Variants in LYPLAL1 observed in about 807,000 individuals in gnomAD.
The protein encoded by LYPLAL1 is lysophospholipase like 1, also known as lysophospholipase-like protein 1.
LYPLAL1 carries 23 observed loss-of-function variants against 19.7 expected under a neutral mutation model. The observed-to-expected ratio is 1.17, with a 90% CI of 0.84 to 1.65. LYPLAL1 has a LOEUF of 1.65. Among genes scored for constraint, LYPLAL1 ranks in the 40% most tolerant of loss-of-function variants. The probability of loss-of-function intolerance (pLI) is 0.00; values close to 1 mark genes in which losing one functional copy is unlikely to be tolerated. For synonymous variants in LYPLAL1, 119 were observed against 96.3 expected (o/e 1.24, Z -1.38); for missense variants, 355 against 279.4 (o/e 1.27, Z -1.93).
At chr1:219,210,753 A>C in intron 4 of LYPLAL1, 106 bp downstream of exon 4, 2 of 1,028,750 alleles carry the variant, frequency 1.9e-6, no homozygotes, top group Non-Finnish European at 2.7e-6. Flanking sequence ...CAGTTGATGC[A>C]CAGTTGATAT....
the LYPLAL1 span, among the ~76,000 whole-genome samples, chr1:219,301,375 T>C: frequency 6.6e-6 from 1 of 152,186 alleles, no homozygotes; most frequent in Non-Finnish European, 1.5e-5. Flanking sequence ...GGGAGCATAA[T>C]TGGGCTTTCC....
the LYPLAL1 span, among the ~76,000 whole-genome samples, chr1:219,229,294 TGAGAGAGA>T: frequency 0.42 from 55,667 of 132,496 alleles, 12,236 homozygotes; most frequent in Middle Eastern, 0.55. Flanking sequence ...ACAAGCATTT[TGAGAGAGA>T]GAGAGAGAGA....
chr1:219,376,270 C>T, the LYPLAL1 span, among the ~76,000 whole-genome samples: 3 of 151,870 alleles, frequency 2.0e-5, no homozygotes, highest in African/African-American at 7.3e-5. Context: ...TGTTTAAAAA[C>T]TATATATCCA....
At chr1:219,236,077 G>A in the LYPLAL1 span, among the ~76,000 whole-genome samples, 1 of 152,110 alleles carries the variant, frequency 6.6e-6, no homozygotes, top group East Asian at 1.9e-4. Flanking sequence ...CAAACATATG[G>A]ACATTAAAAA....
intron 3 of LYPLAL1, among the ~76,000 whole-genome samples, chr1:219,202,620 G>A (rs572755473): frequency 2.3e-4 from 35 of 152,260 alleles, no homozygotes; most frequent in Non-Finnish European, 3.2e-4. Flanking sequence ...AAAGAAAAAT[G>A]CATTTGAGAT....
chr1:219,184,839 T>C (rs1656593040), intron 2 of LYPLAL1, among the ~76,000 whole-genome samples: 1 of 151,956 alleles, frequency 6.6e-6, no homozygotes, highest in South Asian at 2.1e-4. Context: ...TGCTAATACT[T>C]TGGTAAAGAA....
rs137910094 is a variant in LYPLAL1, at chr1:219,202,399, G to A, written c.362-8133G>A. Reference sequence around the variant, plus strand: ...TAGCTTAGTTGTTTCTTCCCTACCAGCTGCTTACTTTTTCCTCAGTGGTAT... The same window carrying A: ...TAGCTTAGTTGTTTCTTCCCTACCAACTGCTTACTTTTTCCTCAGTGGTAT... On this transcript the variant is annotated intron_variant, in intron 3 of 4. Transcript: ENST00000366928. Among the ~76,000 whole-genome samples the A allele has an allele frequency of 1.3e-3, 195 of 152,272 alleles. 1 individual carries two copies. The highest frequency in any genetic ancestry group is 4.5e-3 in the African/African-American group (189 of 41,562).
chr1:219,355,698 C>T, the LYPLAL1 span, among the ~76,000 whole-genome samples: 1 of 151,536 alleles, frequency 6.6e-6, no homozygotes, highest in East Asian at 1.9e-4. Context: ...GGAAAATTCA[C>T]CAAGATAGAC....
chr1:219,240,482 A>T, the LYPLAL1 span, among the ~76,000 whole-genome samples: 1 of 152,162 alleles, frequency 6.6e-6, no homozygotes, highest in South Asian at 2.1e-4. Flanking sequence ...ACATGTACAG[A>T]TCCTTAAGTT....
the LYPLAL1 span, among the ~76,000 whole-genome samples, chr1:219,310,560 A>G: frequency 6.6e-6 from 1 of 152,230 alleles, no homozygotes; most frequent in African/African-American, 2.4e-5. Context: ...GCCTGCCCTT[A>G]TCTCACTTTG....
At chr1:219,251,222 G>T in the LYPLAL1 span, among the ~76,000 whole-genome samples, 1 of 151,960 alleles carries the variant, frequency 6.6e-6, no homozygotes, top group African/African-American at 2.4e-5. Flanking sequence ...CTCCCATTCT[G>T]TAGGTTTTCT....
At chr1:219,402,010 G>T in the LYPLAL1 span, among the ~76,000 whole-genome samples, 1 of 152,076 alleles carries the variant, frequency 6.6e-6, no homozygotes, top group African/African-American at 2.4e-5. Context: ...GCATAGAGAG[G>T]CTTATTTCTA....
At chr1:219,302,221 A>G in the LYPLAL1 span, among the ~76,000 whole-genome samples, 1 of 152,182 alleles carries the variant, frequency 6.6e-6, no homozygotes, top group Admixed American at 6.5e-5. Flanking sequence ...AGGTGCTTCA[A>G]TAACTGTTAA....
At chr1:219,281,585 A>G in the LYPLAL1 span, among the ~76,000 whole-genome samples, 6 of 152,120 alleles carry the variant, frequency 3.9e-5, no homozygotes, top group Non-Finnish European at 8.8e-5. Context: ...AGCAACTACT[A>G]TAGAACCACC....
the LYPLAL1 span, among the ~76,000 whole-genome samples, chr1:219,284,173 T>C: frequency 6.6e-6 from 1 of 152,200 alleles, no homozygotes; most frequent in African/African-American, 2.4e-5. Context: ...ATTATAAGTT[T>C]CCTGAGGCAT....
the LYPLAL1 span, among the ~76,000 whole-genome samples, chr1:219,358,059 C>T: frequency 3.3e-5 from 5 of 152,038 alleles, no homozygotes; most frequent in South Asian, 2.1e-4. Flanking sequence ...AAGTATTCTG[C>T]GTCATACTTT....
At chr1:219,319,470 C>T in the LYPLAL1 span, among the ~76,000 whole-genome samples, 1 of 152,068 alleles carries the variant, frequency 6.6e-6, no homozygotes, top group African/African-American at 2.4e-5. Context: ...AAATAATGCC[C>T]CCAAAATCCC....
At chr1:219,374,101 G>A in the LYPLAL1 span, among the ~76,000 whole-genome samples, 17 of 150,120 alleles carry the variant, frequency 1.1e-4, no homozygotes, top group African/African-American at 3.9e-4. Context: ...TGGTTTTACA[G>A]TTCTGCAGAT....
intron 1 of LYPLAL1, among the ~76,000 whole-genome samples, chr1:219,177,789 T>C (rs1655947035): frequency 6.6e-6 from 1 of 152,248 alleles, no homozygotes; most frequent in African/African-American, 2.4e-5. Context: ...CAATTCTGTC[T>C]TGACACAGCT....
Sources: gnomAD v4.1 joint callset for allele counts (sites outside exome capture counted in the v4.1 genomes callset) on GRCh38, gnomAD v4.1.1 for gene constraint, MANE v1.5 for transcripts, NCBI Gene and HGNC (gene_info 2026-07-23, HGNC 2026-07-21) for gene names.